The following FOXP1 variants were observed in gnomAD, a reference collection of about 807,000 sequenced individuals.
FOXP1 encodes forkhead box P1.
FOXP1 carries 15 observed loss-of-function variants against 98.2 expected under a neutral mutation model. That is an observed-to-expected ratio of 0.15 (90% CI 0.10 to 0.24). The LOEUF (loss-of-function observed/expected upper bound fraction) is 0.24. Ranked by LOEUF, FOXP1 falls within the 10% of genes least tolerant of loss-of-function variation. The probability of loss-of-function intolerance (pLI) is 1.00; values close to 1 mark genes in which losing one functional copy is unlikely to be tolerated. For missense variants in FOXP1, 633 were observed against 848.5 expected (o/e 0.75, Z 3.15); for synonymous variants, 371 against 314.5 (o/e 1.18, Z -1.90).
chr3:71,467,042 G>A (rs975029699), intron 3 of FOXP1, among the ~76,000 whole-genome samples: 1 of 152,172 alleles, frequency 6.6e-6, no homozygotes, highest in Non-Finnish European at 1.5e-5. Context: ...TGCTGAAGGA[G>A]GTGACTGGGT....
chr3:71,446,000 T>C (rs928487408), intron 3 of FOXP1, among the ~76,000 whole-genome samples: 2 of 152,166 alleles, frequency 1.3e-5, no homozygotes, highest in Non-Finnish European at 2.9e-5. Flanking sequence ...TGTGTGTCTT[T>C]TAACACATAC....
At chr3:71,110,214 G>A (rs1298792900) in intron 7 of FOXP1, among the ~76,000 whole-genome samples, 2 of 151,936 alleles carry the variant, frequency 1.3e-5, no homozygotes, top group Non-Finnish European at 2.9e-5. Flanking sequence ...AAGGAACTTC[G>A]TTCATCTTGG....
At chr3:71,358,298 GA>G (rs1188978254) in intron 4 of FOXP1, among the ~76,000 whole-genome samples, 1 of 150,080 alleles carries the variant, frequency 6.7e-6, no homozygotes, top group African/African-American at 2.4e-5. Flanking sequence ...ATACTAAAAA[GA>G]AAGACATTTC....
At chr3:71,139,648 C>A (rs997515956) in intron 6 of FOXP1, among the ~76,000 whole-genome samples, 1 of 149,630 alleles carries the variant, frequency 6.7e-6, no homozygotes, top group Non-Finnish European at 1.5e-5. Context: ...TTCTGTTCCT[C>A]GGCTCTATGG....
At chr3:71,331,322 C>G (rs550489699) in intron 4 of FOXP1, among the ~76,000 whole-genome samples, 1 of 152,282 alleles carries the variant, frequency 6.6e-6, no homozygotes, top group South Asian at 2.1e-4. Context: ...AGCTGCCTCC[C>G]CGCGGGGCAG....
chr3:71,511,496 TAA>T (rs60459177), intron 2 of FOXP1, among the ~76,000 whole-genome samples: 52 of 133,840 alleles, frequency 3.9e-4, no homozygotes, highest in Non-Finnish European at 5.2e-4. Flanking sequence ...GTAGAATTAA[TAA>T]AAAAAAAAAA....
At position 71,176,790 on chromosome 3, in the gene FOXP1, G is replaced by A. The variant is rs370322336; in HGVS notation, c.180+21412C>T. On this transcript the variant is annotated intron_variant, in intron 6 of 20. Coordinates refer to ENST00000649528, the MANE Select transcript of FOXP1 (RefSeq NM_001349338.3). Reference sequence around the variant, plus strand: ...AAAAAAAGAGCCGGGGGGCGGGTGCGGTGGCTCACGCCTATAATCCCAGCA... The same window carrying A: ...AAAAAAAGAGCCGGGGGGCGGGTGCAGTGGCTCACGCCTATAATCCCAGCA... Among the ~76,000 whole-genome samples the A allele has an allele frequency of 2.7e-5, 4 of 150,002 alleles. No individual in the cohort carries two copies. The South Asian group carries it at 6.3e-4, about 24-fold the overall frequency.
intron 3 of FOXP1, among the ~76,000 whole-genome samples, chr3:71,412,435 T>A (rs182883121): frequency 6.6e-6 from 1 of 152,256 alleles, no homozygotes; most frequent in Admixed American, 6.5e-5. Flanking sequence ...TCTCCCTTGA[T>A]CTCCATGTTA....
chr3:71,059,766 G>A (rs1484039689), intron 7 of FOXP1, among the ~76,000 whole-genome samples: 1 of 152,008 alleles, frequency 6.6e-6, no homozygotes, highest in Non-Finnish European at 1.5e-5. Context: ...GAGGAGGGGA[G>A]GACTATTCCA....
At chr3:71,033,602 CAAAAAAAAAAAA>C (rs35470748) in intron 11 of FOXP1, among the ~76,000 whole-genome samples, 2 of 70,642 alleles carry the variant, frequency 2.8e-5, no homozygotes, top group Non-Finnish European at 3.6e-5. Flanking sequence ...AGTGAACAGT[CAAAAAAAAAAAA>C]AAAAAAAAAA....
intron 7 of FOXP1, among the ~76,000 whole-genome samples, chr3:71,087,537 G>C (rs2055268489): frequency 6.6e-6 from 1 of 152,216 alleles, no homozygotes; most frequent in Non-Finnish European, 1.5e-5. Context: ...CCTGTTGAGA[G>C]ATGCCAGCTG....
chr3:71,196,800 C>T (rs2063329827), intron 6 of FOXP1, among the ~76,000 whole-genome samples: 2 of 152,320 alleles, frequency 1.3e-5, no homozygotes, highest in Non-Finnish European at 2.9e-5. Context: ...AGTTTATACA[C>T]AACAAGCATC....
intron 5 of FOXP1, among the ~76,000 whole-genome samples, chr3:71,214,741 AAG>A (rs551873057): frequency 7.4e-4 from 113 of 152,250 alleles, no homozygotes; most frequent in African/African-American, 2.4e-3. Context: ...TCTCCCCCAA[AAG>A]AGAGAGAGGA....
intron 5 of FOXP1, among the ~76,000 whole-genome samples, chr3:71,223,284 A>G (rs1207181332): frequency 2.0e-5 from 3 of 151,292 alleles, no homozygotes; most frequent in Non-Finnish European, 2.9e-5. Flanking sequence ...AACATACCTT[A>G]CTCTTTCATA....
In FOXP1 at chr3:71,372,613, G is replaced by A. The variant is rs74614053; in HGVS notation, c.-167-13369C>T. 4.2e-3 allele frequency among the ~76,000 whole-genome samples: 645 copies of A among 152,248 alleles called. 6 individuals carry two copies. The highest frequency in any genetic ancestry group is 0.015 in the African/African-American group (604 of 41,560). ...TGCCTTGCTATGCACTCCTCCTCCT[G>A]CCATCTACAGCACAATGACTGTCAC... On this transcript the variant is annotated intron_variant, in intron 3 of 20. Coordinates refer to ENST00000649528, the MANE Select transcript of FOXP1 (RefSeq NM_001349338.3).
intron 5 of FOXP1, among the ~76,000 whole-genome samples, chr3:71,238,797 AG>A (rs2067012086): frequency 6.6e-6 from 1 of 152,194 alleles, no homozygotes; most frequent in Non-Finnish European, 1.5e-5. Context: ...AGCACTTACA[AG>A]TGGCTCCCCC....
chr3:71,395,930 A>G (rs2081346440), intron 3 of FOXP1, among the ~76,000 whole-genome samples: 1 of 152,222 alleles, frequency 6.6e-6, no homozygotes, highest in South Asian at 2.1e-4. Flanking sequence ...CTCTGCAGAA[A>G]AAAAGACTGG....
intron 5 of FOXP1, among the ~76,000 whole-genome samples, chr3:71,236,971 T>C (rs908989477): frequency 6.6e-6 from 1 of 151,542 alleles, no homozygotes; most frequent in Non-Finnish European, 1.5e-5. Context: ...CGGTGGCTCA[T>C]GTCTGTAATC....
intron 17 of FOXP1, among the ~76,000 whole-genome samples, chr3:70,973,231 AC>A (rs1249154910): frequency 7.3e-6 from 1 of 136,120 alleles, no homozygotes; most frequent in Non-Finnish European, 1.6e-5. Flanking sequence ...TGGTGAACGG[AC>A]CCCCCGCCCC....
Sources: allele counts gnomAD v4.1 joint callset (sites outside exome capture counted in the v4.1 genomes callset), GRCh38; gene constraint gnomAD v4.1.1; transcripts MANE v1.5; gene names NCBI Gene and HGNC (gene_info 2026-07-23, HGNC 2026-07-21).